The following DNTTIP2 variants were observed in gnomAD, a reference collection of about 807,000 sequenced individuals.
DNTTIP2 encodes deoxynucleotidyltransferase terminal-interacting protein 2.
DNTTIP2 carries 47 observed loss-of-function variants against 62.4 expected under a neutral mutation model. The observed-to-expected ratio is 0.75, with a 90% CI of 0.60 to 0.96. The LOEUF is 0.96. Ranked by LOEUF, DNTTIP2 falls within the 40% of genes least tolerant of loss-of-function variation. The pLI is 0.00. For missense variants in DNTTIP2, 870 were observed against 849.1 expected (o/e 1.02, Z -0.31); for synonymous variants, 322 against 300.9 (o/e 1.07, Z -0.73).
chr1:93,879,105 G>T lies in DNTTIP2; in HGVS notation c.44C>A (p.Ala15Asp). 6.2e-7 allele frequency: 1 copy of T among 1,613,718 alleles called. No individual in the cohort carries two copies. Among genetic ancestry groups the T allele is most frequent in the Non-Finnish European group, 8.5e-7 (1 of 1,179,864 alleles). Residue 15 changes from alanine to aspartate, a missense_variant, in exon 1 of 7, where the codon GCC becomes GAC. Transcript: ENST00000436063. ...TTGCCCGGAACTTTCAGCCGACGCG[G>T]CTTGGATGCTGGCCTTAGCCCGTGC... The part of the protein sequence containing the change: ...RSARAKASIQ[A>D]ASAESSGQKS...
intron 5 of DNTTIP2, 129 bp downstream of exon 5, chr1:93,871,943 G>C (rs61782458): frequency 0.076 from 78,249 of 1,023,842 alleles, 3,286 homozygotes; most frequent in African/African-American, 0.14. Flanking sequence ...GGCCTATGCA[G>C]ATATGTTCCA....
Position 93,875,647 on chromosome 1 carries a change from C to A in DNTTIP2, c.1804G>T (p.Glu602Ter), listed in dbSNP as rs200835030. ...LTQIKEKKKN[E>*]LLQKAVITPD... ...ACCTAACAGCACAATTAACTTACCT[C>A]ATTTTTCTTTTTCTCCTTGATCTGT... Residue 602 changes from glutamate (E) to a stop codon, truncating the protein, a stop_gained and splice_region_variant, in exon 3 of 7, where the codon GAG (glutamate) becomes TAG (stop). Transcript: ENST00000436063. LOFTEE classifies it high-confidence loss of function. The A allele has an allele frequency of 2.6e-5, 41 of 1,606,578 alleles. No homozygotes were observed. The highest frequency in any genetic ancestry group is 3.4e-5 in the Non-Finnish European group (40 of 1,178,024).
chr1:93,869,961 A>T lies in DNTTIP2; in HGVS notation c.2178-17T>A, dbSNP rs779154171. 1 of 774,042 alleles carries T rather than the reference A, an allele frequency of 1.3e-6. No individual in the cohort carries two copies. Among genetic ancestry groups the T allele is most frequent in the Non-Finnish European group, 2.4e-6 (1 of 415,614 alleles). The allele number at this position is 774,042 out of a possible 1,614,324, so 47.9% of individuals were successfully genotyped here. A position where few individuals can be genotyped will look rare whatever the true frequency, so the allele number is the denominator to read the frequency against. The stretch of plus-strand genomic sequence containing the variant: ...CGGTTGTATCTGAAAAAGAAAAATC[A>T]GAACTTTATGTTTGATATATCAGAC... On this transcript the variant is annotated splice_polypyrimidine_tract_variant and intron_variant, in intron 6 of 6. Transcript: ENST00000436063.
chr1:93,875,668 T>C lies in DNTTIP2; in HGVS notation c.1783A>G (p.Ile595Val), dbSNP rs1275260903. 6.2e-7 allele frequency: 1 copy of C among 1,607,670 alleles called. No homozygotes were observed. Among genetic ancestry groups the C allele is most frequent in the East Asian group, 2.2e-5 (1 of 44,702 alleles). ...LQSNKRTLTQ[I>V]KEKKKNELLQ... is the part of the protein sequence containing the mutation. ...ACCTCATTTTTCTTTTTCTCCTTGA[T>C]CTGTGTTAGGGTTCTCTTGTTAGAC... Residue 595 changes from isoleucine to valine, a missense_variant, in exon 3 of 7, where the codon ATC becomes GTC. By Grantham distance (29) the Ile-to-Val change is conservative. Transcript: ENST00000436063.
chr1:93,878,981 G>C, intron 1 of DNTTIP2, 96 bp downstream of exon 1: 1 of 1,474,640 alleles, frequency 6.8e-7, no homozygotes, highest in Non-Finnish European at 9.1e-7. Context: ...CTCTCTGTCG[G>C]CAGGTCCTCA....
At chr1:93,870,574 G>C in intron 6 of DNTTIP2, 109 bp downstream of exon 6, 1 of 528,618 alleles carries the variant, frequency 1.9e-6, no homozygotes, top group South Asian at 4.0e-5. Flanking sequence ...ATGTTAATAT[G>C]TTATGGGTTA....
chr1:93,878,191 C>T (rs148638683), intron 1 of DNTTIP2, among the ~76,000 whole-genome samples: 2,848 of 152,222 alleles, frequency 0.019, 39 homozygotes, highest in Non-Finnish European at 0.019. Flanking sequence ...GTAATCCCAA[C>T]TACTCAGGAG....
rs927415360 is a variant in DNTTIP2 at position 93,877,804 on chromosome 1, C to G, written c.131G>C (p.Arg44Pro). The G allele has an allele frequency of 2.5e-6, 4 of 1,607,440 alleles. No individual in the cohort carries two copies. Among genetic ancestry groups the G allele is most frequent in the Non-Finnish European group, 3.4e-6 (4 of 1,179,850 alleles). The change falls in exon 2 of 7, where the codon CGA becomes CCA. Residue 44 changes from arginine (R) to proline (P), a missense_variant. By Grantham distance (103) the Arg-to-Pro change is moderately radical. Coordinates refer to ENST00000436063, the MANE Select transcript of DNTTIP2 (RefSeq NM_014597.5). The stretch of plus-strand genomic sequence containing the variant: ...AGTGGTCTGTGATTCAGCAGTAGTT[C>G]GGGCATCAGATCCAGTACTACTTTC... ...HPESSTGSDA[R>P]TTAESQTTGK...
chr1:93,875,831 G>C, intron 2 of DNTTIP2, 48 bp from the exon 3 acceptor site: 2 of 1,556,312 alleles, frequency 1.3e-6, no homozygotes, highest in Non-Finnish European at 8.7e-7. Context: ...AATCAAAATG[G>C]AAACATATAA....
Position 93,868,217 on chromosome 1 carries a change from C to T in DNTTIP2, c.*1634G>A, listed in dbSNP as rs888814116. The T allele has an allele frequency of 4.6e-5, 7 of 152,148 alleles. No homozygotes were observed. The highest frequency in any genetic ancestry group is 3.9e-4 in the Admixed American group (6 of 15,272). 9.4% of individuals were successfully genotyped at this position (152,148 alleles called of 1,614,324 possible). ...TGAACAGACACTTCTCAAAAGAAGA[C>T]ATTTATGCAGCCAACAAACATGAAA... is the stretch of plus-strand genomic sequence containing the variant. On this transcript the variant is annotated 3_prime_UTR_variant, in exon 7 of 7. Transcript: ENST00000436063.
intron 3 of DNTTIP2, among the ~76,000 whole-genome samples, chr1:93,874,653 GGT>G (rs1655953229): frequency 6.6e-6 from 1 of 152,188 alleles, no homozygotes; most frequent in South Asian, 2.1e-4. Context: ...CTGTGTGTGT[GGT>G]GTGTTTTTTG....
In DNTTIP2 at chr1:93,873,133, G is replaced by A; in HGVS notation, c.1888C>T (p.Gln630Ter). The A allele has an allele frequency of 6.2e-7, 1 of 1,608,910 alleles. No homozygotes were observed. Among genetic ancestry groups the A allele is most frequent in the Non-Finnish European group, 8.5e-7 (1 of 1,177,564 alleles). Residue 630 changes from glutamine to a stop codon, truncating the protein, a stop_gained, in exon 4 of 7, where the codon CAG (glutamine) becomes TAG (stop). Coordinates refer to ENST00000436063, the MANE Select transcript of DNTTIP2 (RefSeq NM_014597.5). LOFTEE classifies it high-confidence loss of function. ...PPYSESKYQL[Q>*]KKRRKERQKT... ...ACTGTACTTACTCTGCGTTTTTTCT[G>A]AAGTTGATACTTTGATTCACTATAT...
chr1:93,878,581 T>TCAGAA (rs1328301901), intron 1 of DNTTIP2: 1 of 154,796 alleles, frequency 6.5e-6, no homozygotes, highest in Non-Finnish European at 1.4e-5. Flanking sequence ...CGCCGCTCCG[T>TCAGAA]TCCCTGCATC....
rs1449637437 is a variant in DNTTIP2, at chr1:93,870,808, T to C, written c.2068-16A>G. The C allele has an allele frequency of 2.1e-6, 3 of 1,436,430 alleles. No individual in the cohort carries two copies. The highest frequency in any genetic ancestry group is 2.8e-6 in the Non-Finnish European group (3 of 1,056,616). 89.0% of individuals were successfully genotyped at this position (1,436,430 alleles called of 1,614,324 possible). A position where few individuals can be genotyped will look rare whatever the true frequency, so the allele number is the denominator to read the frequency against. ...TGGTTCCAATCTGTGAACAATTGAT[T>C]GAAATAAGTCATGCATTGAGTGCCA... On this transcript the variant is annotated splice_polypyrimidine_tract_variant and intron_variant, in intron 5 of 6. Transcript: ENST00000436063.
chr1:93,874,314 T>G (rs1377334243), intron 3 of DNTTIP2, among the ~76,000 whole-genome samples: 2 of 152,068 alleles, frequency 1.3e-5, no homozygotes, highest in African/African-American at 4.8e-5. Flanking sequence ...ACGGAACATC[T>G]CACAACAAAA....
chr1:93,870,041 A>T (rs1161827464), intron 6 of DNTTIP2, 97 bp from the exon 7 acceptor site: 2 of 663,144 alleles, frequency 3.0e-6, no homozygotes, highest in East Asian at 5.2e-5. Context: ...GGTGGACAAG[A>T]CAAGTATAGT....
Position 93,877,249 on chromosome 1 carries a change from A to C in DNTTIP2, c.686T>G (p.Ile229Ser). The C allele has an allele frequency of 6.2e-7, 1 of 1,613,874 alleles. No individual in the cohort carries two copies. Among genetic ancestry groups the C allele is most frequent in the Non-Finnish European group, 8.5e-7 (1 of 1,179,868 alleles). ...SKIVPGNEKQ[I>S]VGTPVNSEDS... ...CTCTGAATTCACAGGTGTACCCACG[A>C]TCTGTTTCTCATTTCCTGGTACAAT... The change falls in exon 2 of 7, where the codon ATC (isoleucine) becomes AGC (serine). Residue 229 changes from isoleucine (I) to serine (S), a missense_variant. Transcript: ENST00000436063.
chr1:93,873,416 A>C, intron 3 of DNTTIP2: 1 of 387,180 alleles, frequency 2.6e-6, no homozygotes, highest in Non-Finnish European at 4.6e-6. Context: ...ACATAGCAAG[A>C]CCCTGACTGT....
At chr1:93,872,771 G>A (rs1047479038) in intron 4 of DNTTIP2, among the ~76,000 whole-genome samples, 8 of 152,066 alleles carry the variant, frequency 5.3e-5, no homozygotes, top group African/African-American at 1.9e-4. Context: ...TGCCTACCAT[G>A]TGCCAGGGTG....
Sources: gnomAD v4.1 joint callset for allele counts (sites outside exome capture counted in the v4.1 genomes callset) on GRCh38, gnomAD v4.1.1 for gene constraint, MANE v1.5 for transcripts, NCBI Gene and HGNC (gene_info 2026-07-23, HGNC 2026-07-21) for gene names.